NEGR1: variants seen among roughly 807,000 people sequenced by gnomAD.
NEGR1 encodes the protein neuronal growth regulator 1.
In NEGR1, 10 loss-of-function variants were observed where a neutral mutation model predicts 40.9. The ratio of observed to expected loss-of-function variants is 0.24; its 90% CI spans 0.15 to 0.42. The LOEUF (loss-of-function observed/expected upper bound fraction) is 0.42. NEGR1 is among the 10% of genes least tolerant of loss of function. The pLI is 1.00. For missense variants in NEGR1, 352 were observed against 438.9 expected, an observed-to-expected ratio of 0.80 and a Z score of 1.77; for synonymous variants, 185 against 166.8, an observed-to-expected ratio of 1.11 and a Z score of -0.84.
chr1:71,750,436 TAA>T (rs1327172724), intron 3 of NEGR1, among the ~76,000 whole-genome samples: 2 of 152,186 alleles, frequency 1.3e-5, no homozygotes, highest in African/African-American at 4.8e-5. Context: ...ATCCTGCTGG[TAA>T]AGACATACCC....
chr1:71,828,034 A>AT (rs1481670121), intron 2 of NEGR1, among the ~76,000 whole-genome samples: 1 of 151,964 alleles, frequency 6.6e-6, no homozygotes, highest in African/African-American at 2.4e-5. Context: ...GAAGAGCAGC[A>AT]TTTGCTTTTA....
At chr1:71,494,711 C>T (rs1174874271) in intron 6 of NEGR1, among the ~76,000 whole-genome samples, 1 of 152,054 alleles carries the variant, frequency 6.6e-6, no homozygotes, top group Non-Finnish European at 1.5e-5. Context: ...GGGGAGAATT[C>T]CCTGAAATTG....
intron 2 of NEGR1, among the ~76,000 whole-genome samples, chr1:71,871,667 T>G (rs1292035263): frequency 6.6e-6 from 1 of 152,210 alleles, no homozygotes; most frequent in Non-Finnish European, 1.5e-5. Context: ...ACAAATTGAT[T>G]CTGAAACAGG....
At chr1:71,875,419 T>A (rs1386560074) in intron 2 of NEGR1, among the ~76,000 whole-genome samples, 5 of 152,170 alleles carry the variant, frequency 3.3e-5, no homozygotes, top group Non-Finnish European at 5.9e-5. Flanking sequence ...AAAGCAGATA[T>A]CTGGTCATTC....
At chr1:71,917,350 T>G (rs925497776) in intron 2 of NEGR1, among the ~76,000 whole-genome samples, 1 of 152,230 alleles carries the variant, frequency 6.6e-6, no homozygotes, top group Non-Finnish European at 1.5e-5. Context: ...CTGAAATATA[T>G]AGCTTTCTAT....
At chr1:72,220,031 T>C (rs1436458739) in intron 1 of NEGR1, among the ~76,000 whole-genome samples, 2 of 151,990 alleles carry the variant, frequency 1.3e-5, no homozygotes, top group Non-Finnish European at 2.9e-5. Flanking sequence ...GTTGTGCACA[T>C]AGATTCATCT....
chr1:71,571,454 G>A (rs760291504), intron 6 of NEGR1, among the ~76,000 whole-genome samples: 1 of 152,124 alleles, frequency 6.6e-6, no homozygotes, highest in Non-Finnish European at 1.5e-5. Context: ...AAAGTAATTG[G>A]CTAAAATATG....
intron 6 of NEGR1, among the ~76,000 whole-genome samples, chr1:71,519,474 C>T (rs1286925197): frequency 5.7e-5 from 3 of 52,408 alleles, no homozygotes; most frequent in African/African-American, 2.5e-4. Flanking sequence ...TAAACTATCG[C>T]AAGAACAAAA....
chr1:71,683,220 A>G (rs1348739686), intron 4 of NEGR1, among the ~76,000 whole-genome samples: 1 of 152,046 alleles, frequency 6.6e-6, no homozygotes, highest in Non-Finnish European at 1.5e-5. Flanking sequence ...GTTCATTCTT[A>G]TACTACAGGT....
intron 4 of NEGR1, among the ~76,000 whole-genome samples, chr1:71,656,267 G>T (rs1180751084): frequency 6.6e-6 from 1 of 152,194 alleles, no homozygotes; most frequent in East Asian, 1.9e-4. Context: ...CCGTTAGAAG[G>T]AAAGACAGTT....
chr1:71,821,009 A>G (rs762342874), intron 2 of NEGR1, among the ~76,000 whole-genome samples: 1 of 152,022 alleles, frequency 6.6e-6, no homozygotes, highest in Non-Finnish European at 1.5e-5. Context: ...GCAGATTAAT[A>G]TGGCCTAAGG....
intron 4 of NEGR1, among the ~76,000 whole-genome samples, chr1:71,677,607 C>T (rs766147446): frequency 2.6e-5 from 4 of 152,126 alleles, no homozygotes; most frequent in Non-Finnish European, 4.4e-5. Flanking sequence ...TGGAGGTTCA[C>T]ATTTGCTATT....
At chr1:71,803,217 C>T (rs1657624845) in intron 2 of NEGR1, among the ~76,000 whole-genome samples, 1 of 152,070 alleles carries the variant, frequency 6.6e-6, no homozygotes, top group Admixed American at 6.6e-5. Context: ...GACATCAGAG[C>T]TGTCTTTCTT....
At chr1:71,897,451 A>C (rs192649610) in intron 2 of NEGR1, among the ~76,000 whole-genome samples, 182 of 152,314 alleles carry the variant, frequency 1.2e-3, no homozygotes, top group African/African-American at 4.3e-3. Flanking sequence ...CAAAAGGAGA[A>C]GTGTGAAATA....
chr1:71,934,418 A>G (rs1383678895), intron 2 of NEGR1, among the ~76,000 whole-genome samples: 1 of 152,108 alleles, frequency 6.6e-6, no homozygotes, highest in Non-Finnish European at 1.5e-5. Flanking sequence ...TCAAATATAA[A>G]CCATTGTGTA....
intron 2 of NEGR1, among the ~76,000 whole-genome samples, chr1:71,928,658 A>G (rs760238228): frequency 2.6e-5 from 4 of 151,498 alleles, no homozygotes; most frequent in Admixed American, 6.6e-5. Flanking sequence ...ATATCTTCCA[A>G]AATGCTAATA....
intron 1 of NEGR1, among the ~76,000 whole-genome samples, chr1:72,211,789 G>A (rs1653617268): frequency 6.6e-6 from 1 of 151,468 alleles, no homozygotes; most frequent in African/African-American, 2.4e-5. Flanking sequence ...ATGTAAAGGT[G>A]AAGACACAAA....
chr1:71,473,431 G>A (rs1286567476), intron 6 of NEGR1, among the ~76,000 whole-genome samples: 2 of 152,050 alleles, frequency 1.3e-5, no homozygotes, highest in East Asian at 1.9e-4. Context: ...CAGTGAACCT[G>A]TCAACCCAGA....
At chr1:72,162,336 G>C (rs180780419) in intron 1 of NEGR1, among the ~76,000 whole-genome samples, 239 of 151,750 alleles carry the variant, frequency 1.6e-3, no homozygotes, top group Middle Eastern at 6.8e-3. Context: ...GTGGTGATAG[G>C]TGCCTGTAAT....
Sources: allele counts gnomAD v4.1 joint callset (sites outside exome capture counted in the v4.1 genomes callset), GRCh38; gene constraint gnomAD v4.1.1; transcripts MANE v1.5; gene names NCBI Gene and HGNC (gene_info 2026-07-23, HGNC 2026-07-21).